NEK10: variants seen among roughly 807,000 people sequenced by gnomAD.
NEK10 encodes serine/threonine-protein kinase Nek10.
A neutral mutation model predicts 159.8 loss-of-function variants in NEK10; 122 were observed. The ratio of observed to expected loss-of-function variants is 0.76; its 90% CI spans 0.66 to 0.89. The LOEUF is 0.89. NEK10 is among the 40% of genes least tolerant of loss of function. The pLI is 0.00. For synonymous variants in NEK10, 466 were observed against 457.1 expected (o/e 1.02, Z -0.25); for missense variants, 1,342 against 1,323.1 (o/e 1.01, Z -0.22).
intron 5 of NEK10, among the ~76,000 whole-genome samples, chr3:27,336,728 C>A (rs978231365): frequency 6.6e-6 from 1 of 152,098 alleles, no homozygotes; most frequent in Non-Finnish European, 1.5e-5. Flanking sequence ...ATCACATCAA[C>A]AGAATGAACG....
chr3:27,177,102 C>T (rs191146165), intron 26 of NEK10, among the ~76,000 whole-genome samples: 51 of 152,256 alleles, frequency 3.3e-4, no homozygotes, highest in Admixed American at 1.7e-3. Context: ...AATCAATAGT[C>T]ACTTGTAACT....
intron 28 of NEK10, among the ~76,000 whole-genome samples, chr3:27,174,094 C>A (rs181380648): frequency 2.6e-3 from 395 of 152,218 alleles, no homozygotes; most frequent in Non-Finnish European, 4.4e-3. Context: ...CTTCTACAGG[C>A]TTTGAATTCA....
At chr3:27,265,807 C>CTTTTTTT (rs34881283) in intron 22 of NEK10, 1 of 114,508 alleles carries the variant, frequency 8.7e-6, no homozygotes, top group Non-Finnish European at 1.7e-5. Context: ...CAAATATTTC[C>CTTTTTTT]TTTTTTTTTT....
intron 23 of NEK10, among the ~76,000 whole-genome samples, chr3:27,210,517 TC>T (rs1197863307): frequency 6.6e-6 from 1 of 152,188 alleles, no homozygotes; most frequent in Non-Finnish European, 1.5e-5. Context: ...ACCATAGCAC[TC>T]TGTATAACGA....
At chr3:27,345,983 T>A in intron 4 of NEK10, 103 bp downstream of exon 4, 7 of 992,846 alleles carry the variant, frequency 7.1e-6, no homozygotes, top group South Asian at 1.6e-5. Context: ...TATGGTAAAT[T>A]TTGAAGCGGG....
intron 5 of NEK10, among the ~76,000 whole-genome samples, chr3:27,340,774 T>A (rs183296694): frequency 1.6e-3 from 244 of 152,288 alleles, no homozygotes; most frequent in African/African-American, 5.5e-3. Flanking sequence ...GTACAACTGC[T>A]GTGGAGAACC....
chr3:27,363,186 C>T (rs189618325), intron 1 of NEK10, among the ~76,000 whole-genome samples: 9 of 152,304 alleles, frequency 5.9e-5, no homozygotes, highest in African/African-American at 1.7e-4. Context: ...GGCTGGATGT[C>T]GCATCCTTCA....
Position 27,211,795 on chromosome 3 carries a change from G to A in NEK10, c.2091-9238C>T, listed in dbSNP as rs75338636. On this transcript the variant is annotated intron_variant, in intron 23 of 35. Transcript: ENST00000691995. ...ATGAAGTTTACATTCCAGTAAAGGA[G>A]ACAACTAATATACTAATTAATTGAT... 2.8e-4 allele frequency among the ~76,000 whole-genome samples: 42 copies of A among 152,208 alleles called. No homozygotes were observed. The East Asian group carries it at 7.7e-3, about 28-fold the overall frequency.
At chr3:27,208,543 G>A (rs999554191) in intron 23 of NEK10, among the ~76,000 whole-genome samples, 6 of 152,154 alleles carry the variant, frequency 3.9e-5, no homozygotes. Context: ...GGTGATCAGG[G>A]AAATGAGAAG....
intron 25 of NEK10, chr3:27,194,100 C>T (rs1949359312): frequency 6.6e-6 from 1 of 151,928 alleles, no homozygotes; most frequent in African/African-American, 2.4e-5. Flanking sequence ...GAAATGACTC[C>T]CTGCTTAGGC....
At chr3:27,248,123 A>T (rs962509725) in intron 23 of NEK10, among the ~76,000 whole-genome samples, 1 of 151,802 alleles carries the variant, frequency 6.6e-6, no homozygotes, top group Non-Finnish European at 1.5e-5. Flanking sequence ...CTAGTAATTT[A>T]CTTACTTCTA....
intron 25 of NEK10, among the ~76,000 whole-genome samples, chr3:27,193,294 T>C (rs1016850470): frequency 2.6e-5 from 4 of 152,198 alleles, no homozygotes; most frequent in Non-Finnish European, 5.9e-5. Context: ...TGAAAGAGTC[T>C]CCTAAATAAC....
intron 26 of NEK10, among the ~76,000 whole-genome samples, chr3:27,185,617 T>A (rs575542544): frequency 2.6e-5 from 4 of 152,158 alleles, no homozygotes; most frequent in Non-Finnish European, 2.9e-5. Flanking sequence ...CCCACAATCA[T>A]GTAAGCCAGT....
chr3:27,316,632 T>C (rs13314521), intron 6 of NEK10, among the ~76,000 whole-genome samples: 1,962 of 152,248 alleles, frequency 0.013, 28 homozygotes, highest in East Asian at 0.064. Context: ...TAAATGGTCA[T>C]GGTAATGTTA....
intron 23 of NEK10, among the ~76,000 whole-genome samples, chr3:27,250,654 C>T (rs1322349321): frequency 1.1e-4 from 17 of 152,124 alleles, no homozygotes; most frequent in Non-Finnish European, 1.5e-5. Context: ...CTTTATTTCT[C>T]CTTCATGTTT....
intron 29 of NEK10, among the ~76,000 whole-genome samples, chr3:27,167,714 A>C (rs1575081000): frequency 2.0e-5 from 3 of 152,206 alleles, no homozygotes; most frequent in African/African-American, 7.2e-5. Flanking sequence ...GAAAATGATT[A>C]AAGTTGGAAA....
chr3:27,273,860 G>A (rs2041564596), intron 22 of NEK10, among the ~76,000 whole-genome samples: 1 of 151,966 alleles, frequency 6.6e-6, no homozygotes, highest in Non-Finnish European at 1.5e-5. Flanking sequence ...CTCAGTGCAG[G>A]AGTCAGTGAG....
At position 27,245,271 on chromosome 3, in the gene NEK10, G is replaced by A. The variant is rs187624900; in HGVS notation, c.2090+11025C>T. ...TTCTTCTTCTTTTTTAAAGAAATAC[G>A]GTGCTGCATTATGATTTGTTGAATA... On this transcript the variant is annotated intron_variant, in intron 23 of 35. Transcript: ENST00000691995. Among the ~76,000 whole-genome samples, 630 of 152,112 alleles carry A rather than the reference G, an allele frequency of 4.1e-3. 3 individuals carry two copies. Among genetic ancestry groups the A allele is most frequent in the South Asian group, 7.3e-3 (35 of 4,822 alleles).
At position 27,163,592 on chromosome 3, in the gene NEK10, T is replaced by C. The variant is rs1946221579; in HGVS notation, c.2832-854A>G. Among the ~76,000 whole-genome samples, 3 of 152,102 alleles carry C rather than the reference T, an allele frequency of 2.0e-5. No homozygotes were observed. In the South Asian group the frequency reaches 6.2e-4, roughly 32 times the overall value. ...TGGTCTCGATCTCCTGACGTCATGA[T>C]CCACCTGCCTCAGCCTCCTAAAGTG... On this transcript the variant is annotated intron_variant, in intron 29 of 35. Coordinates refer to ENST00000691995, the MANE Select transcript of NEK10 (RefSeq NM_001394966.1).
Sources: gnomAD v4.1 joint callset for allele counts (sites outside exome capture counted in the v4.1 genomes callset) on GRCh38, gnomAD v4.1.1 for gene constraint, MANE v1.5 for transcripts, NCBI Gene and HGNC (gene_info 2026-07-23, HGNC 2026-07-21) for gene names.